TAFA2: variants seen among roughly 807,000 people sequenced by gnomAD.
TAFA2 encodes the protein TAFA chemokine like family member 2.
TAFA2 carries 7 observed loss-of-function variants against 18.8 expected under a neutral mutation model. That is an observed-to-expected ratio of 0.37 (90% CI 0.21 to 0.70). The LOEUF is 0.70. Ranked by LOEUF, TAFA2 falls within the 30% of genes least tolerant of loss-of-function variation. The pLI, the probability that TAFA2 is intolerant of heterozygous loss-of-function variation, is 0.53. For synonymous variants in TAFA2, 60 were observed against 54.2 expected (o/e 1.11, Z -0.47); for missense variants, 122 against 158.1 (o/e 0.77, Z 1.23).
At chr12:62,235,350 G>T in intron 1 of TAFA2, 1 of 655,152 alleles carries the variant, frequency 1.5e-6, no homozygotes, top group Non-Finnish European at 2.8e-6. Flanking sequence ...CTGAATGCTT[G>T]GTAGGCCATG....
chr12:62,103,748 A>T (rs74521349), intron 1 of TAFA2, among the ~76,000 whole-genome samples: 1 of 95,880 alleles, frequency 1.0e-5, no homozygotes, highest in African/African-American at 3.6e-5. Flanking sequence ...TCTCAAAAAG[A>T]AAAAAAAAAA....
chr12:62,159,593 G>T (rs1354444775), intron 1 of TAFA2, among the ~76,000 whole-genome samples: 2 of 152,066 alleles, frequency 1.3e-5, no homozygotes, highest in Non-Finnish European at 2.9e-5. Flanking sequence ...GTCCAATCAA[G>T]ATAAAATTGT....
chr12:61,935,250 C>G (rs1877716177), intron 1 of TAFA2, among the ~76,000 whole-genome samples: 1 of 152,044 alleles, frequency 6.6e-6, no homozygotes, highest in Non-Finnish European at 1.5e-5. Flanking sequence ...ACCCAAGCAC[C>G]AAAATGATAA....
At chr12:62,225,097 A>C (rs2062780395) in intron 1 of TAFA2, among the ~76,000 whole-genome samples, 1 of 151,992 alleles carries the variant, frequency 6.6e-6, no homozygotes, top group African/African-American at 2.4e-5. Flanking sequence ...CCGTCTCATA[A>C]AAAAATTTAA....
chr12:62,188,851 C>T (rs1820960511), intron 1 of TAFA2, among the ~76,000 whole-genome samples: 1 of 152,128 alleles, frequency 6.6e-6, no homozygotes, highest in African/African-American at 2.4e-5. Context: ...GCCATGTCAT[C>T]ACATTTTATA....
At chr12:61,997,484 G>A (rs1880236248) in intron 1 of TAFA2, among the ~76,000 whole-genome samples, 1 of 152,164 alleles carries the variant, frequency 6.6e-6, no homozygotes, top group South Asian at 2.1e-4. Flanking sequence ...GAGAGGCCCA[G>A]TGGCTCTTAC....
At chr12:61,718,623 G>A (rs534352626) in intron 4 of TAFA2, among the ~76,000 whole-genome samples, 126 of 152,178 alleles carry the variant, frequency 8.3e-4, no homozygotes, top group African/African-American at 2.9e-3. Context: ...ATCTTAGCAG[G>A]CTTTTTAAGA....
At chr12:62,198,178 C>T (rs1245638) in intron 1 of TAFA2, 135,161 of 152,098 alleles carry the variant, frequency 0.89, 60,166 homozygotes, top group Middle Eastern at 0.93. Flanking sequence ...TATAAACCCA[C>T]TTATCACATG....
chr12:61,841,213 GTATTA>G (rs1304450134), intron 2 of TAFA2, among the ~76,000 whole-genome samples: 13 of 152,058 alleles, frequency 8.5e-5, no homozygotes, highest in African/African-American at 1.4e-4. Flanking sequence ...CAGGACAGCT[GTATTA>G]TATTATGTCA....
chr12:61,824,023 C>G (rs779677634), intron 2 of TAFA2, among the ~76,000 whole-genome samples: 9 of 152,108 alleles, frequency 5.9e-5, no homozygotes, highest in Non-Finnish European at 1.0e-4. Context: ...GATGTCACTT[C>G]ACAATTCATG....
intron 1 of TAFA2, among the ~76,000 whole-genome samples, chr12:61,985,726 G>A (rs1879788926): frequency 2.0e-5 from 3 of 152,198 alleles, no homozygotes; most frequent in Admixed American, 6.5e-5. Context: ...GTTTTGGAAT[G>A]AGGGCAAAGG....
chr12:61,754,098 T>C (rs1398082471), intron 3 of TAFA2, among the ~76,000 whole-genome samples: 1 of 151,982 alleles, frequency 6.6e-6, no homozygotes, highest in Non-Finnish European at 1.5e-5. Flanking sequence ...AAATAAACTA[T>C]GCAAATGTGT....
chr12:61,783,582 G>C (rs961664515), intron 2 of TAFA2, among the ~76,000 whole-genome samples: 10 of 151,504 alleles, frequency 6.6e-5, no homozygotes, highest in African/African-American at 2.4e-4. Context: ...AGCTAACAAA[G>C]TATTCTTTAT....
At chr12:61,826,180 T>C (rs1219821867) in intron 2 of TAFA2, among the ~76,000 whole-genome samples, 1 of 152,048 alleles carries the variant, frequency 6.6e-6, no homozygotes, top group African/African-American at 2.4e-5. Context: ...GTCCTATAAT[T>C]TGCTTTTGTT....
chr12:62,116,577 G>T (rs1383872713), intron 1 of TAFA2, among the ~76,000 whole-genome samples: 2 of 146,094 alleles, frequency 1.4e-5, no homozygotes, highest in Non-Finnish European at 2.9e-5. Context: ...CAGGGATTTA[G>T]GGATAATGGC....
At chr12:62,168,997 T>C (rs539586646) in intron 1 of TAFA2, among the ~76,000 whole-genome samples, 1 of 152,014 alleles carries the variant, frequency 6.6e-6, no homozygotes, top group South Asian at 2.1e-4. Context: ...CATATATGTA[T>C]ATATTTAAAA....
chr12:61,888,193 C>G (rs1283275581), intron 1 of TAFA2, among the ~76,000 whole-genome samples: 2 of 152,138 alleles, frequency 1.3e-5, no homozygotes, highest in Admixed American at 1.3e-4. Flanking sequence ...GGATCTAGAA[C>G]TAGAAATACC....
chr12:62,169,162 T>C (rs2062460243), intron 1 of TAFA2, among the ~76,000 whole-genome samples: 1 of 152,186 alleles, frequency 6.6e-6, no homozygotes, highest in Non-Finnish European at 1.5e-5. Context: ...AAATGATAGA[T>C]ATCTTGAACC....
At chr12:62,198,885 C>T (rs2062659868) in intron 1 of TAFA2, among the ~76,000 whole-genome samples, 1 of 152,128 alleles carries the variant, frequency 6.6e-6, no homozygotes, top group Admixed American at 6.6e-5. Flanking sequence ...TAGACACATG[C>T]CATGGAGATA....
Sources: gnomAD v4.1 joint callset for allele counts (sites outside exome capture counted in the v4.1 genomes callset) on GRCh38, gnomAD v4.1.1 for gene constraint, MANE v1.5 for transcripts, NCBI Gene and HGNC (gene_info 2026-07-23, HGNC 2026-07-21) for gene names.